Variants in ME1 observed in about 807,000 individuals in gnomAD.
The protein encoded by ME1 is malic enzyme 1, also known as NADP-dependent malic enzyme.
ME1 carries 74 observed loss-of-function variants against 66.4 expected under a neutral mutation model. That is an observed-to-expected ratio of 1.11 (90% CI 0.92 to 1.35). The LOEUF (loss-of-function observed/expected upper bound fraction) is 1.35. ME1 is among the 40% of genes most tolerant of loss of function. The probability of loss-of-function intolerance (pLI) is 0.00; values close to 1 mark genes in which losing one functional copy is unlikely to be tolerated. For synonymous variants in ME1, 251 were observed against 235.6 expected, an observed-to-expected ratio of 1.07 and a Z score of -0.60; for missense variants, 750 against 694.1, an observed-to-expected ratio of 1.08 and a Z score of -0.90.
At chr6:83,328,580 AC>A (rs1296234809) in intron 5 of ME1, among the ~76,000 whole-genome samples, 1 of 152,224 alleles carries the variant, frequency 6.6e-6, no homozygotes, top group Non-Finnish European at 1.5e-5. Context: ...GATTTGGCTG[AC>A]AAAAAAATTA....
At position 83,383,007 on chromosome 6, in the gene ME1, G is replaced by C. The variant is rs117300745; in HGVS notation, c.362+15360C>G. ...AGTCAGCTGAAATCTTATTAAAAAAGACTGACCTCCCCCGAAAAAGAGGAA... is the reference window on the plus strand; with the variant it reads ...AGTCAGCTGAAATCTTATTAAAAAACACTGACCTCCCCCGAAAAAGAGGAA... On this transcript the variant is annotated intron_variant, in intron 3 of 13. Coordinates refer to ENST00000369705, the MANE Select transcript of ME1 (RefSeq NM_002395.6). Among the ~76,000 whole-genome samples, 1,210 of 151,862 alleles carry C rather than the reference G, an allele frequency of 8.0e-3. 7 individuals carry two copies. The highest frequency in any genetic ancestry group is 0.012 in the Non-Finnish European group (828 of 67,930).
intron 3 of ME1, among the ~76,000 whole-genome samples, chr6:83,358,644 G>A (rs184768649): frequency 6.6e-6 from 1 of 152,274 alleles, no homozygotes; most frequent in East Asian, 1.9e-4. Context: ...TTGGAATGGG[G>A]ATGTGTGGGA....
intron 5 of ME1, among the ~76,000 whole-genome samples, chr6:83,326,663 C>A (rs1395333666): frequency 6.6e-6 from 1 of 152,064 alleles, no homozygotes; most frequent in Non-Finnish European, 1.5e-5. Flanking sequence ...TAGAGAAATG[C>A]CAATCAGAAC....
chr6:83,291,758 G>A (rs539290736), intron 6 of ME1, among the ~76,000 whole-genome samples: 2 of 152,140 alleles, frequency 1.3e-5, no homozygotes, highest in African/African-American at 4.8e-5. Flanking sequence ...AGGTACACCA[G>A]TCAAATGTAG....
At chr6:83,298,137 C>T (rs575981825) in intron 6 of ME1, among the ~76,000 whole-genome samples, 1 of 152,288 alleles carries the variant, frequency 6.6e-6, no homozygotes, top group African/African-American at 2.4e-5. Flanking sequence ...GGAATCATCA[C>T]ACTGTCTTCC....
chr6:83,390,161 A>G (rs938350326), intron 3 of ME1, among the ~76,000 whole-genome samples: 2 of 152,198 alleles, frequency 1.3e-5, no homozygotes, highest in Non-Finnish European at 2.9e-5. Flanking sequence ...CTAGCCACAG[A>G]AAAGTATCAC....
At chr6:83,321,070 T>C (rs1423576763) in intron 5 of ME1, among the ~76,000 whole-genome samples, 4 of 152,120 alleles carry the variant, frequency 2.6e-5, no homozygotes, top group African/African-American at 9.7e-5. Context: ...CTCCCTCCCC[T>C]AGCCAAGGGA....
At chr6:83,312,253 G>C (rs539325172) in intron 6 of ME1, among the ~76,000 whole-genome samples, 46 of 152,264 alleles carry the variant, frequency 3.0e-4, no homozygotes, top group Admixed American at 1.7e-3. Flanking sequence ...TCAAAACACT[G>C]TTCCCCTCTC....
At chr6:83,298,007 G>C (rs926918887) in intron 6 of ME1, among the ~76,000 whole-genome samples, 1 of 152,188 alleles carries the variant, frequency 6.6e-6, no homozygotes, top group Non-Finnish European at 1.5e-5. Flanking sequence ...ATTGTGAATA[G>C]TGCTGCAATG....
In ME1 at chr6:83,378,793, G is replaced by A. The variant is rs184326802; in HGVS notation, c.362+19574C>T. Among the ~76,000 whole-genome samples the A allele has an allele frequency of 4.0e-4, 61 of 151,442 alleles. 2 individuals are homozygous for A. In the East Asian group the frequency reaches 0.011, roughly 27 times the overall value. ...GCTTAATACATAAATGAGACTTTCAGCAACTTGTTCATCTGTTTTCCAACC... is the reference window on the plus strand; with the variant it reads ...GCTTAATACATAAATGAGACTTTCAACAACTTGTTCATCTGTTTTCCAACC... On this transcript the variant is annotated intron_variant, in intron 3 of 13. Coordinates refer to ENST00000369705, the MANE Select transcript of ME1 (RefSeq NM_002395.6).
intron 5 of ME1, among the ~76,000 whole-genome samples, chr6:83,328,765 T>G (rs2128541760): frequency 6.6e-6 from 1 of 152,284 alleles, no homozygotes; most frequent in South Asian, 2.1e-4. Flanking sequence ...AAGGAAGCAC[T>G]TAAAAAAGGG....
At chr6:83,396,595 A>AT (rs959802722) in intron 3 of ME1, among the ~76,000 whole-genome samples, 3 of 152,124 alleles carry the variant, frequency 2.0e-5, no homozygotes, top group Admixed American at 6.5e-5. Flanking sequence ...TTCCAATGAC[A>AT]TTTTTTCACA....
intron 1 of ME1, among the ~76,000 whole-genome samples, chr6:83,421,206 A>T (rs1446510233): frequency 6.6e-6 from 1 of 152,202 alleles, no homozygotes; most frequent in Non-Finnish European, 1.5e-5. Flanking sequence ...TTTGTCTTAC[A>T]TGAACCATTT....
intron 6 of ME1, among the ~76,000 whole-genome samples, chr6:83,268,765 T>C (rs780017138): frequency 1.1e-3 from 165 of 150,720 alleles, no homozygotes; most frequent in African/African-American, 3.3e-3. Context: ...ATTATTATTG[T>C]ATTTTTGGTA....
In ME1 at chr6:83,210,669, T is replaced by C. The variant is rs1037332507; in HGVS notation, c.*1255A>G. The C allele has an allele frequency of 6.6e-6, 1 of 152,250 alleles. No homozygotes were observed. The highest frequency in any genetic ancestry group is 1.5e-5 in the Non-Finnish European group (1 of 68,022). 9.4% of individuals were successfully genotyped at this position (152,250 alleles called of 1,614,324 possible). ...AAATCATTTTATAGTATAATTTATC[T>C]TGAATATCTTATACTCCTTAAAGCA... On this transcript the variant is annotated 3_prime_UTR_variant, in exon 14 of 14. Coordinates refer to ENST00000369705, the MANE Select transcript of ME1 (RefSeq NM_002395.6).
chr6:83,275,599 A>G lies in ME1; in HGVS notation c.705-21861T>C, dbSNP rs558797057. On this transcript the variant is annotated intron_variant, in intron 6 of 13. Coordinates refer to ENST00000369705, the MANE Select transcript of ME1 (RefSeq NM_002395.6). ...TCCTGCCTCAGCCTCCCAAGTAGCT[A>G]GGACTACAGGCGCCGCCACCACGCC... Among the ~76,000 whole-genome samples, 797 of 139,334 alleles carry G rather than the reference A, an allele frequency of 5.7e-3. 9 individuals are homozygous for G. The highest frequency in any genetic ancestry group is 0.02 in the African/African-American group (753 of 37,322). 91.4% of individuals were successfully genotyped at this position (139,334 alleles called of 152,430 possible). A position where few individuals can be genotyped will look rare whatever the true frequency, so the allele number is the denominator to read the frequency against.
intron 7 of ME1, among the ~76,000 whole-genome samples, chr6:83,251,979 G>T (rs1312198500): frequency 6.6e-6 from 1 of 152,178 alleles, no homozygotes. Flanking sequence ...AAACATATAA[G>T]AAGGGGAAGC....
intron 6 of ME1, 142 bp from the exon 7 acceptor site, chr6:83,253,880 A>G: frequency 1.9e-6 from 1 of 523,044 alleles, no homozygotes; most frequent in East Asian, 2.9e-5. Flanking sequence ...AATATGTAAT[A>G]TAATATCTGT....
intron 3 of ME1, among the ~76,000 whole-genome samples, chr6:83,362,257 C>T (rs962091197): frequency 4.6e-5 from 7 of 152,140 alleles, no homozygotes; most frequent in Admixed American, 4.6e-4. Context: ...TTGGAAGAAG[C>T]ATGATTGGAA....
Sources: gnomAD v4.1 joint callset for allele counts (sites outside exome capture counted in the v4.1 genomes callset) on GRCh38, gnomAD v4.1.1 for gene constraint, MANE v1.5 for transcripts, NCBI Gene and HGNC (gene_info 2026-07-23, HGNC 2026-07-21) for gene names.